The following CSMD1 variants were observed in gnomAD, a reference collection of about 807,000 sequenced individuals.
CSMD1 encodes CUB and Sushi multiple domains 1, also known as CUB and sushi domain-containing protein 1.
Under a neutral mutation model 417.5 loss-of-function variants are expected in CSMD1, and 213 were observed. The observed-to-expected ratio is 0.51, with a 90% CI of 0.46 to 0.57. The LOEUF (loss-of-function observed/expected upper bound fraction) is 0.57, where lower values mean the gene tolerates loss of function less well. Among genes scored for constraint, CSMD1 ranks in the 20% least tolerant of loss-of-function variants. The pLI is 0.00. For synonymous variants in CSMD1, 2,862 were observed against 1,736.8 expected (o/e 1.65, Z -16.11); for missense variants, 6,923 against 4,529.7 (o/e 1.53, Z -15.17).
intron 2 of CSMD1, among the ~76,000 whole-genome samples, chr8:4,555,489 G>A (rs977626588): frequency 5.3e-5 from 8 of 152,138 alleles, no homozygotes; most frequent in Non-Finnish European, 1.2e-4. Context: ...GGTGAAGCTA[G>A]CCTTCCTGCC....
chr8:4,418,198 A>C (rs17070220), intron 3 of CSMD1, among the ~76,000 whole-genome samples: 2 of 152,122 alleles, frequency 1.3e-5, no homozygotes, highest in Non-Finnish European at 2.9e-5. Context: ...ACCATTTCAA[A>C]TCGAAATACC....
chr8:3,671,662 C>G (rs1799074837), intron 7 of CSMD1, among the ~76,000 whole-genome samples: 1 of 149,714 alleles, frequency 6.7e-6, no homozygotes, highest in South Asian at 2.1e-4. Flanking sequence ...AAGCCTCTGC[C>G]TTGCTTTAAG....
intron 7 of CSMD1, among the ~76,000 whole-genome samples, chr8:3,680,848 G>C (rs1585066129): frequency 6.6e-6 from 1 of 152,192 alleles, no homozygotes; most frequent in African/African-American, 2.4e-5. Context: ...CCATGATCAA[G>C]TGGGCTTCAT....
rs138795984 is a variant in CSMD1 at position 3,755,845 on chromosome 8, C to T, written c.819-1803G>A. Among the ~76,000 whole-genome samples, 427 of 152,182 alleles carry T rather than the reference C, an allele frequency of 2.8e-3. 2 individuals carry two copies. The highest frequency in any genetic ancestry group is 9.7e-3 in the African/African-American group (404 of 41,518). On this transcript the variant is annotated intron_variant, in intron 5 of 69. Coordinates refer to ENST00000635120, the MANE Select transcript of CSMD1 (RefSeq NM_033225.6). ...AGAAGTACACTGCTCAGATTTGCCT[C>T]TTTGCTTGGATTTATGTAGTACTGG...
intron 6 of CSMD1, among the ~76,000 whole-genome samples, chr8:3,750,445 G>C (rs1797280016): frequency 1.3e-5 from 2 of 151,626 alleles, no homozygotes; most frequent in Admixed American, 6.6e-5. Context: ...CATTATGTAA[G>C]TTTTCACTAT....
intron 1 of CSMD1, among the ~76,000 whole-genome samples, chr8:4,925,972 C>T (rs1806838953): frequency 6.6e-6 from 1 of 152,154 alleles, no homozygotes; most frequent in African/African-American, 2.4e-5. Context: ...TTTCCTATTA[C>T]AGTTTTAGCA....
At position 4,337,060 on chromosome 8, in the gene CSMD1, G is replaced by A. The variant is rs561111575; in HGVS notation, c.415+82893C>T. Among the ~76,000 whole-genome samples, 6 of 152,156 alleles carry A rather than the reference G, an allele frequency of 3.9e-5. No homozygotes were observed. The South Asian group carries it at 1.0e-3, about 26-fold the overall frequency. ...GAATTTTGCCCACACATTGCATTCT[G>A]CATCTGTTTCACTGTCCCAGAGGGT... On this transcript the variant is annotated intron_variant, in intron 3 of 69. Transcript: ENST00000635120.
intron 6 of CSMD1, among the ~76,000 whole-genome samples, chr8:3,719,307 T>G (rs1001042676): frequency 6.6e-6 from 1 of 152,088 alleles, no homozygotes; most frequent in African/African-American, 2.4e-5. Flanking sequence ...GAGGCCCAGA[T>G]AGCTGAGCTC....
At chr8:3,650,249 G>C (rs1013620813) in intron 7 of CSMD1, among the ~76,000 whole-genome samples, 1 of 151,706 alleles carries the variant, frequency 6.6e-6, no homozygotes, top group Non-Finnish European at 1.5e-5. Flanking sequence ...TTGCACTCCA[G>C]CCTGGGTGAC....
chr8:4,131,198 A>G (rs1341782338), intron 3 of CSMD1, among the ~76,000 whole-genome samples: 2 of 152,192 alleles, frequency 1.3e-5, no homozygotes, highest in African/African-American at 4.8e-5. Context: ...TTCATAGTTA[A>G]ATAGAGACGC....
intron 1 of CSMD1, among the ~76,000 whole-genome samples, chr8:4,659,477 G>T (rs1053581648): frequency 5.9e-5 from 9 of 152,276 alleles, no homozygotes; most frequent in African/African-American, 1.9e-4. Flanking sequence ...AGGAAGTACT[G>T]ACACAGGCTG....
intron 21 of CSMD1, among the ~76,000 whole-genome samples, chr8:3,349,651 GTATAAT>G (rs1468910423): frequency 1.3e-5 from 2 of 150,520 alleles, no homozygotes; most frequent in African/African-American, 4.9e-5. Context: ...TTATGTATTT[GTATAAT>G]TATAATTCTG....
At chr8:3,707,629 A>G (rs1322721199) in intron 7 of CSMD1, among the ~76,000 whole-genome samples, 1 of 152,184 alleles carries the variant, frequency 6.6e-6, no homozygotes, top group Non-Finnish European at 1.5e-5. Flanking sequence ...TGACATGTGT[A>G]AGGTCGTGTG....
intron 1 of CSMD1, among the ~76,000 whole-genome samples, chr8:4,712,471 G>T (rs1302372838): frequency 1.3e-5 from 2 of 152,118 alleles, no homozygotes; most frequent in Non-Finnish European, 2.9e-5. Flanking sequence ...TTTTTCCCAT[G>T]TCAAAGCAGA....
intron 21 of CSMD1, among the ~76,000 whole-genome samples, chr8:3,358,325 A>G (rs1233011999): frequency 1.3e-5 from 2 of 152,208 alleles, no homozygotes; most frequent in Admixed American, 1.3e-4. Context: ...GTAACTTTAA[A>G]GAACAATTTG....
chr8:3,913,369 G>A (rs892321840), intron 5 of CSMD1, among the ~76,000 whole-genome samples: 9 of 152,084 alleles, frequency 5.9e-5, no homozygotes, highest in Non-Finnish European at 2.9e-5. Flanking sequence ...GAAGCAACAA[G>A]CACAAAGGGA....
intron 1 of CSMD1, among the ~76,000 whole-genome samples, chr8:4,886,776 T>C (rs959775742): frequency 2.6e-5 from 4 of 152,084 alleles, no homozygotes; most frequent in Admixed American, 2.6e-4. Context: ...ACCAGATTTG[T>C]TGGCATAAAT....
chr8:4,472,116 T>A (rs901094264), intron 2 of CSMD1, among the ~76,000 whole-genome samples: 1 of 152,370 alleles, frequency 6.6e-6, no homozygotes, highest in African/African-American at 2.4e-5. Context: ...AATGCTTTAA[T>A]TCTTTCTTCA....
intron 1 of CSMD1, among the ~76,000 whole-genome samples, chr8:4,783,215 T>C (rs1225964456): frequency 1.3e-5 from 2 of 152,200 alleles, no homozygotes; most frequent in Admixed American, 1.3e-4. Context: ...TAAATAAGAA[T>C]TGTATTTCGT....
Sources: gnomAD v4.1 joint callset for allele counts (sites outside exome capture counted in the v4.1 genomes callset) on GRCh38, gnomAD v4.1.1 for gene constraint, MANE v1.5 for transcripts, NCBI Gene and HGNC (gene_info 2026-07-23, HGNC 2026-07-21) for gene names.